TTI1: variants seen among roughly 807,000 people sequenced by gnomAD.
TTI1 encodes the protein TELO2-interacting protein 1 homolog.
A neutral mutation model predicts 85.4 loss-of-function variants in TTI1; 52 were observed. The observed-to-expected ratio is 0.61, with a 90% CI of 0.49 to 0.77. The LOEUF is 0.77. Among genes scored for constraint, TTI1 ranks in the 30% least tolerant of loss-of-function variants. TTI1 has a pLI of 0.00. For synonymous variants in TTI1, 512 were observed against 503.9 expected (o/e 1.02, Z -0.22); for missense variants, 1,173 against 1,296.0 (o/e 0.91, Z 1.46).
Position 38,012,110 on chromosome 20 carries a change from A to G in TTI1, c.1707T>C (p.Asn569=), listed in dbSNP as rs1436101549. 1 of 1,614,072 alleles carries G rather than the reference A, an allele frequency of 6.2e-7. No homozygotes were observed. Among genetic ancestry groups the G allele is most frequent in the East Asian group, 2.2e-5 (1 of 44,864 alleles). ...TTTCAAGACAGGTAACCAAATACCA[A>G]TTTTCTTGACTTGTGTATTCTTCAA... ...SILEEYTSQE[N]WYLVTCLETE... Residue 569 remains asparagine (N), a synonymous_variant, in exon 2 of 8, where the codon AAT becomes AAC. Coordinates refer to ENST00000373447, the MANE Select transcript of TTI1 (RefSeq NM_001303457.2).
At chr20:37,999,856 T>A (rs1260289933) in intron 4 of TTI1, among the ~76,000 whole-genome samples, 1 of 151,556 alleles carries the variant, frequency 6.6e-6, no homozygotes, top group Non-Finnish European at 1.5e-5. Context: ...TACAAAGGGG[T>A]TTGTTAGGAA....
chr20:37,987,903 C>T (rs2073213377), intron 7 of TTI1, among the ~76,000 whole-genome samples: 2 of 152,146 alleles, frequency 1.3e-5, no homozygotes, highest in African/African-American at 4.8e-5. Context: ...CCTTCGTGAT[C>T]AGTATGGGGG....
intron 4 of TTI1, among the ~76,000 whole-genome samples, chr20:37,999,560 T>C (rs2073391564): frequency 6.6e-6 from 1 of 152,072 alleles, no homozygotes; most frequent in Non-Finnish European, 1.5e-5. Flanking sequence ...CTTAATTAGA[T>C]AACGCCTAAA....
In TTI1 at chr20:37,999,212, G is replaced by C. The variant is rs1483099731; in HGVS notation, c.2769C>G (p.Pro923=). The C allele has an allele frequency of 4.0e-6, 6 of 1,489,744 alleles. No homozygotes were observed. The highest frequency in any genetic ancestry group is 3.6e-6 in the Non-Finnish European group (4 of 1,116,854). The allele number at this position is 1,489,744 out of a possible 1,614,324, so 92.3% of individuals were successfully genotyped here. A position where few individuals can be genotyped will look rare whatever the true frequency, so the allele number is the denominator to read the frequency against. ...SLVHRLTRDA[P]LAVLRAFKVL... Reference sequence around the variant, plus strand: ...CCTTGAAGGCTCTAAGCACTGCCAGGGGGGCGTCCCGTGTGAGTCGGTGAA... The same window carrying C: ...CCTTGAAGGCTCTAAGCACTGCCAGCGGGGCGTCCCGTGTGAGTCGGTGAA... The change falls in exon 5 of 8, where the codon CCC becomes CCG. Residue 923 remains proline, a synonymous_variant. Coordinates refer to ENST00000373447, the MANE Select transcript of TTI1 (RefSeq NM_001303457.2).
rs1206268733 is a variant in TTI1 at position 38,011,033 on chromosome 20, T to C, written c.2302+482A>G. 3.3e-5 allele frequency among the ~76,000 whole-genome samples: 5 copies of C among 152,210 alleles called. No individual in the cohort carries two copies. In the South Asian group the frequency reaches 6.2e-4, roughly 19 times the overall value. On this transcript the variant is annotated intron_variant, in intron 2 of 7. Coordinates refer to ENST00000373447, the MANE Select transcript of TTI1 (RefSeq NM_001303457.2). ...ATAGAACGAATAAAGATTATTTCTA[T>C]CATCAAAGAAACTTCTCTTAGTACC...
At chr20:37,994,761 C>G (rs1411473945) in intron 7 of TTI1, among the ~76,000 whole-genome samples, 1 of 152,162 alleles carries the variant, frequency 6.6e-6, no homozygotes, top group African/African-American at 2.4e-5. Context: ...AAGGGAGCTG[C>G]GGTCAAGTGG....
At chr20:38,010,467 CTTTTTTTTTT>C (rs764386880) in intron 2 of TTI1, among the ~76,000 whole-genome samples, 5 of 104,432 alleles carry the variant, frequency 4.8e-5, no homozygotes, top group African/African-American at 1.2e-4. Context: ...TTTGCCATTC[CTTTTTTTTTT>C]TTTTTTTTTT....
chr20:38,011,409 G>A (rs895618477), intron 2 of TTI1, 106 bp downstream of exon 2: 35 of 1,267,850 alleles, frequency 2.8e-5, no homozygotes, highest in Non-Finnish European at 3.1e-5. Context: ...TGATTAAAAC[G>A]TCCTCCATAG....
rs375403679 is a variant in TTI1 at position 38,013,663 on chromosome 20, T to C, written c.154A>G (p.Ile52Val). 1.2e-6 allele frequency: 2 copies of C among 1,614,224 alleles called. No homozygotes were observed. The highest frequency in any genetic ancestry group is 1.7e-6 in the Non-Finnish European group (2 of 1,180,040). Residue 52 changes from isoleucine (I) to valine (V), a missense_variant, in exon 2 of 8, where the codon ATC becomes GTC. Physicochemically the swap from Ile to Val is conservative, Grantham distance 29. Transcript: ENST00000373447. ...DSALQELQQY[I>V]LFPLRFTLKT... Reference sequence around the variant, plus strand: ...AGGGTAAATCGCAGAGGGAAGAGGATGTACTGCTGAAGTTCCTGAAGGGCA... The same window carrying C: ...AGGGTAAATCGCAGAGGGAAGAGGACGTACTGCTGAAGTTCCTGAAGGGCA...
chr20:38,012,738 T>A lies in TTI1; in HGVS notation c.1079A>T (p.Asp360Val). Residue 360 changes from aspartate to valine, a missense_variant, in exon 2 of 8, where the codon GAT (aspartate) becomes GTT (valine). Coordinates refer to ENST00000373447, the MANE Select transcript of TTI1 (RefSeq NM_001303457.2). The part of the protein sequence containing the change: ...QCNKVLRHFA[D>V]QKVVVGNKAL... ...TTTGTTGCCCACCACTACTTTTTGA[T>A]CTGCAAAATGTCTCAGAACTTTATT... 1 of 1,614,216 alleles carries A rather than the reference T, an allele frequency of 6.2e-7. No individual in the cohort carries two copies. Among genetic ancestry groups the A allele is most frequent in the Non-Finnish European group, 8.5e-7 (1 of 1,180,042 alleles).
rs551738586 is a variant in TTI1 at position 38,007,424 on chromosome 20, A to T, written c.2303-1027T>A. On this transcript the variant is annotated intron_variant, in intron 2 of 7. Transcript: ENST00000373447. ...TGAGGAGCCTTAGGGCTTCACAGAA[A>T]TGTCTCATGGATCACAACAGGGAGG... 1.2e-4 allele frequency among the ~76,000 whole-genome samples: 19 copies of T among 152,272 alleles called. No homozygotes were observed. In the South Asian group the frequency reaches 3.9e-3, roughly 32 times the overall value.
At chr20:38,009,545 A>G (rs1409049184) in intron 2 of TTI1, among the ~76,000 whole-genome samples, 2 of 151,284 alleles carry the variant, frequency 1.3e-5, no homozygotes, top group Non-Finnish European at 2.9e-5. Flanking sequence ...TTCCTCTGTC[A>G]CCCAGGCTGG....
At chr20:38,031,667 T>TG (rs1459483340) in intron 1 of TTI1, among the ~76,000 whole-genome samples, 3 of 152,194 alleles carry the variant, frequency 2.0e-5, no homozygotes, top group African/African-American at 7.2e-5. Flanking sequence ...CTTAGAAGAG[T>TG]GCTTTGGACA....
At position 37,996,939 on chromosome 20, in the gene TTI1, C is replaced by A. The variant is rs746334013; in HGVS notation, c.2808G>T (p.Leu936=). 6.2e-7 allele frequency: 1 copy of A among 1,613,830 alleles called. No individual in the cohort carries two copies. Among genetic ancestry groups the A allele is most frequent in the Admixed American group, 1.7e-5 (1 of 60,026 alleles). ...VLRAFKVLRT[L]GSKCGDFLRS... ...GAAGAAAGTCACCACACTTGCTTCC[C>A]AGGGTACGTAAAACCTGCAGAAACA... Residue 936 remains leucine, a synonymous_variant, in exon 6 of 8, where the codon CTG becomes CTT. Transcript: ENST00000373447.
intron 4 of TTI1, among the ~76,000 whole-genome samples, chr20:38,001,378 T>C (rs367879473): frequency 3.3e-5 from 5 of 152,220 alleles, no homozygotes; most frequent in East Asian, 1.9e-4. Flanking sequence ...GACTCAGATA[T>C]GTAGGTCTGA....
intron 7 of TTI1, among the ~76,000 whole-genome samples, chr20:37,986,181 T>C (rs1200827857): frequency 6.6e-6 from 1 of 152,180 alleles, no homozygotes; most frequent in Non-Finnish European, 1.5e-5. Flanking sequence ...TGGAACAATT[T>C]CTCAAGCTAC....
At chr20:38,017,028 G>T (rs1393148141) in intron 1 of TTI1, among the ~76,000 whole-genome samples, 3 of 152,134 alleles carry the variant, frequency 2.0e-5, no homozygotes, top group Non-Finnish European at 2.9e-5. Flanking sequence ...TTCTAAACAG[G>T]TGGTGCTAGT....
intron 5 of TTI1, among the ~76,000 whole-genome samples, chr20:37,998,540 G>A (rs1196495346): frequency 6.6e-6 from 1 of 152,140 alleles, no homozygotes; most frequent in Non-Finnish European, 1.5e-5. Flanking sequence ...ATATAAATAA[G>A]CTAAAATATC....
At position 38,020,322 on chromosome 20, in the gene TTI1, AAATATAT is replaced by A. The variant is rs1260351789; in HGVS notation, c.-41-6472_-41-6466del. Among the ~76,000 whole-genome samples the A allele has an allele frequency of 3.7e-4, 28 of 75,910 alleles. 2 individuals carry two copies. The highest frequency in any genetic ancestry group is 5.7e-3 in the Middle Eastern group (1 of 174). The allele number at this position is 75,910 out of a possible 152,430, so 49.8% of individuals were successfully genotyped here. On this transcript the variant is annotated intron_variant, in intron 1 of 7. Coordinates refer to ENST00000373447, the MANE Select transcript of TTI1 (RefSeq NM_001303457.2). Reference sequence around the variant, plus strand: ...TGGCTACTCATATGAAAAAAAAAAAAAATATATATATATATATATATATATATATATG... The same window carrying A: ...TGGCTACTCATATGAAAAAAAAAAAAATATATATATATATATATATATATG...
Sources: gnomAD v4.1 joint callset for allele counts (sites outside exome capture counted in the v4.1 genomes callset) on GRCh38, gnomAD v4.1.1 for gene constraint, MANE v1.5 for transcripts, NCBI Gene and HGNC (gene_info 2026-07-23, HGNC 2026-07-21) for gene names.